UNC5D: variants seen among roughly 807,000 people sequenced by gnomAD.
UNC5D encodes the protein netrin receptor UNC5D.
A neutral mutation model predicts 105.4 loss-of-function variants in UNC5D; 39 were observed. The ratio of observed to expected loss-of-function variants is 0.37; its 90% CI spans 0.29 to 0.48. The LOEUF is 0.48. Among genes scored for constraint, UNC5D ranks in the 20% least tolerant of loss-of-function variants. The probability of loss-of-function intolerance (pLI) is 0.98; values close to 1 mark genes in which losing one functional copy is unlikely to be tolerated. For missense variants in UNC5D, 991 were observed against 1,202.4 expected, an observed-to-expected ratio of 0.82 and a Z score of 2.60; for synonymous variants, 452 against 450.4, an observed-to-expected ratio of 1.00 and a Z score of -0.04.
At chr8:35,333,565 C>T (rs1157082932) in intron 1 of UNC5D, among the ~76,000 whole-genome samples, 8 of 152,052 alleles carry the variant, frequency 5.3e-5, no homozygotes, top group Admixed American at 3.3e-4. Flanking sequence ...CTGCAACCTC[C>T]GCCTCCTGGG....
At chr8:35,612,616 G>A (rs181672947) in intron 4 of UNC5D, among the ~76,000 whole-genome samples, 9 of 151,820 alleles carry the variant, frequency 5.9e-5, no homozygotes, top group Admixed American at 3.9e-4. Context: ...CATCTTTTTG[G>A]GAGAATCAAA....
chr8:35,731,065 A>T lies in UNC5D; in HGVS notation c.1735A>T (p.Ile579Phe). 6.2e-7 allele frequency: 1 copy of T among 1,613,900 alleles called. No individual in the cohort carries two copies. Among genetic ancestry groups the T allele is most frequent in the Non-Finnish European group, 8.5e-7 (1 of 1,179,892 alleles). Residue 579 changes from isoleucine to phenylalanine, a missense_variant, in exon 11 of 17, where the codon ATT (isoleucine) becomes TTT (phenylalanine). Physicochemically the swap from Ile to Phe is conservative, Grantham distance 21. Coordinates refer to ENST00000404895, the MANE Select transcript of UNC5D (RefSeq NM_080872.4). Reference protein sequence around the residue: ...GAIPEENSWEIYMSINQGEPS... With the variant: ...GAIPEENSWEFYMSINQGEPS... ...CATCCCAGAGGAGAATTCTTGGGAG[A>T]TTTATATGTCCATCAACCAAGGTGA...
chr8:35,550,240 G>A (rs762323173), intron 2 of UNC5D, among the ~76,000 whole-genome samples: 10 of 152,020 alleles, frequency 6.6e-5, no homozygotes, highest in Non-Finnish European at 8.8e-5. Flanking sequence ...TTACCTTCTC[G>A]TAGACAAGGA....
intron 1 of UNC5D, among the ~76,000 whole-genome samples, chr8:35,403,072 C>G (rs1008462555): frequency 6.6e-6 from 1 of 152,222 alleles, no homozygotes; most frequent in Admixed American, 6.5e-5. Flanking sequence ...CTAACATTTA[C>G]TAGCTTTTGC....
rs3077002 is a variant in UNC5D at position 35,657,080 on chromosome 8, G to GTATATATATA, written c.571-26433_571-26424dup. ...TGTGTGTGTGTGTGTGTGTGTGTGT[G>GTATATATATA]TATATATATATATATATATATATAT... On this transcript the variant is annotated intron_variant, in intron 4 of 16. Coordinates refer to ENST00000404895, the MANE Select transcript of UNC5D (RefSeq NM_080872.4). 3.8e-3 allele frequency among the ~76,000 whole-genome samples: 175 copies of GTATATATATA among 46,494 alleles called. 6 individuals carry two copies. The highest frequency in any genetic ancestry group is 5.6e-3 in the Non-Finnish European group (154 of 27,634). The allele number at this position is 46,494 out of a possible 152,430, so 30.5% of individuals were successfully genotyped here.
intron 4 of UNC5D, among the ~76,000 whole-genome samples, chr8:35,669,874 A>G (rs1349979726): frequency 1.3e-5 from 2 of 152,146 alleles, no homozygotes; most frequent in Admixed American, 6.6e-5. Flanking sequence ...GAGGTACACA[A>G]AAGTAGACAC....
chr8:35,280,971 C>T (rs1806109680), intron 1 of UNC5D, among the ~76,000 whole-genome samples: 1 of 152,180 alleles, frequency 6.6e-6, no homozygotes, highest in African/African-American at 2.4e-5. Flanking sequence ...GTGCCTGTCT[C>T]CCAACTCATT....
At chr8:35,571,859 A>G (rs1249283221) in intron 3 of UNC5D, among the ~76,000 whole-genome samples, 2 of 152,218 alleles carry the variant, frequency 1.3e-5, no homozygotes, top group Non-Finnish European at 2.9e-5. Flanking sequence ...TATGAATCTG[A>G]TGACAATCAT....
At chr8:35,762,976 C>G (rs773236655) in intron 14 of UNC5D, among the ~76,000 whole-genome samples, 12 of 152,160 alleles carry the variant, frequency 7.9e-5, no homozygotes, top group Non-Finnish European at 1.6e-4. Flanking sequence ...TCTTTAAACA[C>G]CCATAACTTT....
At chr8:35,244,633 T>C (rs1309226580) in intron 1 of UNC5D, among the ~76,000 whole-genome samples, 1 of 152,136 alleles carries the variant, frequency 6.6e-6, no homozygotes, top group Non-Finnish European at 1.5e-5. Context: ...GAAGAACTTT[T>C]GAAAAATCAG....
At chr8:35,370,308 A>G (rs1304144743) in intron 1 of UNC5D, among the ~76,000 whole-genome samples, 1 of 152,226 alleles carries the variant, frequency 6.6e-6, no homozygotes, top group African/African-American at 2.4e-5. Flanking sequence ...AAGAAAAAAT[A>G]TAGTTTGTAG....
chr8:35,501,453 T>C (rs1187922099), intron 1 of UNC5D, among the ~76,000 whole-genome samples: 1 of 152,160 alleles, frequency 6.6e-6, no homozygotes, highest in Non-Finnish European at 1.5e-5. Flanking sequence ...AGTGGAGCAG[T>C]GGGGCTCTGT....
chr8:35,513,223 C>CTTT (rs35988823), intron 1 of UNC5D, among the ~76,000 whole-genome samples: 6 of 134,144 alleles, frequency 4.5e-5, no homozygotes, highest in Admixed American at 7.6e-5. Context: ...TTGGACCCTC[C>CTTT]TTTTTTTTTT....
chr8:35,309,304 C>T (rs1268819174), intron 1 of UNC5D, among the ~76,000 whole-genome samples: 2 of 152,182 alleles, frequency 1.3e-5, no homozygotes, highest in Non-Finnish European at 2.9e-5. Context: ...TCTAGCCCTA[C>T]TTCCCCTGTT....
intron 16 of UNC5D, among the ~76,000 whole-genome samples, chr8:35,774,978 C>T (rs1257313452): frequency 1.3e-5 from 2 of 151,086 alleles, no homozygotes; most frequent in East Asian, 1.9e-4. Flanking sequence ...CCCCATTCTG[C>T]CTTTTGCAAC....
chr8:35,627,538 T>A (rs938496004), intron 4 of UNC5D, among the ~76,000 whole-genome samples: 2 of 152,196 alleles, frequency 1.3e-5, no homozygotes, highest in Non-Finnish European at 1.5e-5. Flanking sequence ...AAATCCAGTC[T>A]TTTTGTTTCC....
At chr8:35,332,550 C>T (rs1479619030) in intron 1 of UNC5D, among the ~76,000 whole-genome samples, 1 of 152,192 alleles carries the variant, frequency 6.6e-6, no homozygotes, top group Non-Finnish European at 1.5e-5. Context: ...ATGTTGAGTT[C>T]TGATGGTCAG....
rs141713967 is a variant in UNC5D, at chr8:35,413,616, A to G, written c.104-135676A>G. Among the ~76,000 whole-genome samples, 603 of 152,134 alleles carry G rather than the reference A, an allele frequency of 4.0e-3. 6 individuals carry two copies. The highest frequency in any genetic ancestry group is 0.014 in the African/African-American group (578 of 41,528). On this transcript the variant is annotated intron_variant, in intron 1 of 16. Coordinates refer to ENST00000404895, the MANE Select transcript of UNC5D (RefSeq NM_080872.4). Reference sequence around the variant, plus strand: ...CACATGACAACATTTAGAAGTAGTCAATTTGATCTTGATGAAAGGATCTCT... The same window carrying G: ...CACATGACAACATTTAGAAGTAGTCGATTTGATCTTGATGAAAGGATCTCT...
intron 1 of UNC5D, among the ~76,000 whole-genome samples, chr8:35,334,759 C>A (rs569051053): frequency 3.9e-5 from 6 of 152,168 alleles, no homozygotes; most frequent in Admixed American, 1.3e-4. Flanking sequence ...GATGATGCAC[C>A]CACCTCGGCC....
Sources: allele counts gnomAD v4.1 joint callset (sites outside exome capture counted in the v4.1 genomes callset), GRCh38; gene constraint gnomAD v4.1.1; transcripts MANE v1.5; gene names NCBI Gene and HGNC (gene_info 2026-07-23, HGNC 2026-07-21).